The following SPATS2 variants were observed in gnomAD, a reference collection of about 807,000 sequenced individuals.
SPATS2 encodes spermatogenesis-associated serine-rich protein 2.
Under a neutral mutation model 63.7 loss-of-function variants are expected in SPATS2, and 38 were observed. That is an observed-to-expected ratio of 0.60 (90% confidence interval 0.46 to 0.78). The LOEUF is 0.78. SPATS2 is among the 30% of genes least tolerant of loss of function. SPATS2 has a pLI of 0.00. For synonymous variants in SPATS2, 207 were observed against 232.9 expected (o/e 0.89, Z 1.01); for missense variants, 588 against 666.2 (o/e 0.88, Z 1.29).
In SPATS2 at chr12:49,527,005, G is replaced by A. The variant is rs2138116457; in HGVS notation, c.*750G>A. On this transcript the variant is annotated 3_prime_UTR_variant, in exon 14 of 14. Transcript: ENST00000552918. ...GCACTTTGGGAGGCTGAGGCGGGTG[G>A]ATCACTAGGTCAGGAGTTCAAGACC... The A allele has an allele frequency of 6.6e-6, 1 of 151,832 alleles. No homozygotes were observed. The highest frequency in any genetic ancestry group is 1.5e-5 in the Non-Finnish European group (1 of 67,972). The allele number at this position is 151,832 out of a possible 1,614,324, so 9.4% of individuals were successfully genotyped here.
intron 2 of SPATS2, among the ~76,000 whole-genome samples, chr12:49,432,051 A>G (rs1478414328): frequency 1.3e-5 from 2 of 152,216 alleles, no homozygotes; most frequent in African/African-American, 4.8e-5. Context: ...TTTGACAGCT[A>G]CTGCTTAGTT....
chr12:49,442,980 T>C (rs903700812), intron 2 of SPATS2, among the ~76,000 whole-genome samples: 2 of 152,128 alleles, frequency 1.3e-5, no homozygotes, highest in African/African-American at 4.8e-5. Flanking sequence ...CTTAGGTATC[T>C]CACATAAGTG....
chr12:49,499,348 A>C (rs949205039), intron 8 of SPATS2, among the ~76,000 whole-genome samples: 2 of 152,024 alleles, frequency 1.3e-5, no homozygotes, highest in African/African-American at 4.8e-5. Context: ...GTGTGAGCAC[A>C]AACTGTCCCT....
At chr12:49,454,010 C>T (rs1162219693) in intron 2 of SPATS2, among the ~76,000 whole-genome samples, 2 of 151,714 alleles carry the variant, frequency 1.3e-5, no homozygotes, top group Non-Finnish European at 2.9e-5. Context: ...CTACAGGCTC[C>T]CGCCACCATG....
intron 6 of SPATS2, among the ~76,000 whole-genome samples, chr12:49,493,703 A>C (rs974615768): frequency 6.6e-6 from 1 of 152,140 alleles, no homozygotes; most frequent in Non-Finnish European, 1.5e-5. Context: ...GCACCCACCC[A>C]ATACACTGAA....
chr12:49,526,707 G>A lies in SPATS2; in HGVS notation c.*452G>A. On this transcript the variant is annotated 3_prime_UTR_variant, in exon 14 of 14. Coordinates refer to ENST00000552918, the MANE Select transcript of SPATS2 (RefSeq NM_023071.4). ...ATACTGCACTGGATTCGCCAGAGAA[G>A]GGAAAATTTAATTAGTGAAAAGGAA... 6.4e-6 allele frequency: 1 copy of A among 156,448 alleles called. No individual in the cohort carries two copies. Among genetic ancestry groups the A allele is most frequent in the Admixed American group, 6.4e-5 (1 of 15,730 alleles). 9.7% of individuals were successfully genotyped at this position (156,448 alleles called of 1,614,324 possible). A position where few individuals can be genotyped will look rare whatever the true frequency, so the allele number is the denominator to read the frequency against.
chr12:49,438,740 T>C (rs1434577262), intron 2 of SPATS2, among the ~76,000 whole-genome samples: 1 of 152,248 alleles, frequency 6.6e-6, no homozygotes, highest in Non-Finnish European at 1.5e-5. Context: ...GTGTATGGCT[T>C]AATGAATTAT....
intron 3 of SPATS2, among the ~76,000 whole-genome samples, chr12:49,479,830 C>G (rs148047912): frequency 6.6e-6 from 1 of 152,210 alleles, no homozygotes; most frequent in African/African-American, 2.4e-5. Context: ...TATCAAGGTA[C>G]TGTTAAAATA....
Position 49,526,177 on chromosome 12 carries a change from C to A in SPATS2, c.1560C>A (p.Ser520Arg). The change falls in exon 14 of 14, where the codon AGC (serine) becomes AGA (arginine). Residue 520 changes from serine to arginine, a missense_variant. Coordinates refer to ENST00000552918, the MANE Select transcript of SPATS2 (RefSeq NM_023071.4). ...GAACTGGAGTCAGCATGGAGCCCAGCCCTCCCACGCCTTCATTCAAAAAGG... is the reference window on the plus strand; with the variant it reads ...GAACTGGAGTCAGCATGGAGCCCAGACCTCCCACGCCTTCATTCAAAAAGG... Reference protein sequence around the residue: ...TNGTGVSMEPSPPTPSFKKGL... With the variant: ...TNGTGVSMEPRPPTPSFKKGL... The A allele has an allele frequency of 1.2e-6, 2 of 1,614,170 alleles. No homozygotes were observed. Among genetic ancestry groups the A allele is most frequent in the Non-Finnish European group, 1.7e-6 (2 of 1,180,026 alleles).
intron 2 of SPATS2, chr12:49,390,051 G>C: frequency 9.8e-7 from 1 of 1,025,292 alleles, no homozygotes; most frequent in Non-Finnish European, 1.5e-6. Flanking sequence ...GCGTTAGAGA[G>C]ATCCTATAAA....
chr12:49,461,158 T>C, intron 3 of SPATS2, 121 bp downstream of exon 3: 1 of 1,006,968 alleles, frequency 9.9e-7, no homozygotes, highest in Non-Finnish European at 1.5e-6. Flanking sequence ...TATTTATGGA[T>C]ATTAGATTAT....
At chr12:49,450,184 G>A (rs1407473392) in intron 2 of SPATS2, among the ~76,000 whole-genome samples, 1 of 151,466 alleles carries the variant, frequency 6.6e-6, no homozygotes, top group South Asian at 2.1e-4. Context: ...GCATACAGTT[G>A]GATCTTGTTT....
At chr12:49,435,694 A>G (rs1592392408) in intron 2 of SPATS2, among the ~76,000 whole-genome samples, 1 of 118,138 alleles carries the variant, frequency 8.5e-6, no homozygotes, top group East Asian at 2.8e-4. Context: ...TTTCTCGCAG[A>G]GGGGGATTTG....
intron 2 of SPATS2, among the ~76,000 whole-genome samples, chr12:49,379,225 T>G (rs1369146258): frequency 4.0e-5 from 6 of 151,278 alleles, no homozygotes; most frequent in African/African-American, 1.2e-4. Flanking sequence ...TGGCCCCAGA[T>G]TTTATTTTTG....
intron 2 of SPATS2, among the ~76,000 whole-genome samples, chr12:49,460,563 T>C (rs1945804514): frequency 6.6e-6 from 1 of 152,190 alleles, no homozygotes; most frequent in African/African-American, 2.4e-5. Context: ...TAAGAGAACA[T>C]ACTTTCTAAA....
chr12:49,525,739 C>G (rs1947021648), intron 13 of SPATS2, among the ~76,000 whole-genome samples: 2 of 152,164 alleles, frequency 1.3e-5, no homozygotes. Context: ...GGAGAAGAGC[C>G]TGGGCATGAA....
At chr12:49,451,168 G>A (rs1466233100) in intron 2 of SPATS2, among the ~76,000 whole-genome samples, 3 of 152,186 alleles carry the variant, frequency 2.0e-5, no homozygotes, top group Middle Eastern at 3.4e-3. Context: ...CACCATGCCC[G>A]GCCAGGTATT....
chr12:49,484,753 A>C, intron 4 of SPATS2, 84 bp downstream of exon 4: 9 of 1,140,774 alleles, frequency 7.9e-6, no homozygotes, highest in South Asian at 1.3e-5. Flanking sequence ...CCACAAACTC[A>C]TTATGAGACT....
At chr12:49,502,356 G>A (rs1946580078) in intron 9 of SPATS2, among the ~76,000 whole-genome samples, 1 of 152,186 alleles carries the variant, frequency 6.6e-6, no homozygotes, top group Non-Finnish European at 1.5e-5. Context: ...TTACTTTGGG[G>A]CTAGATAATT....
Sources: allele counts gnomAD v4.1 joint callset (sites outside exome capture counted in the v4.1 genomes callset), GRCh38; gene constraint gnomAD v4.1.1; transcripts MANE v1.5; gene names NCBI Gene and HGNC (gene_info 2026-07-23, HGNC 2026-07-21).